The following SOX5 variants were observed in gnomAD, a reference collection of about 807,000 sequenced individuals.
SOX5 encodes transcription factor SOX-5.
Under a neutral mutation model 92.0 loss-of-function variants are expected in SOX5, and 9 were observed. The ratio of observed to expected loss-of-function variants is 0.10; its 90% CI spans 0.06 to 0.17. SOX5 has a LOEUF of 0.17. SOX5 is among the 10% of genes least tolerant of loss of function. The pLI is 1.00. For synonymous variants in SOX5, 344 were observed against 336.3 expected (o/e 1.02, Z -0.25); for missense variants, 642 against 944.5 (o/e 0.68, Z 4.20).
chr12:23,614,584 T>C (rs73091321), intron 8 of SOX5, among the ~76,000 whole-genome samples: 7,397 of 152,336 alleles, frequency 0.049, 264 homozygotes, highest in Non-Finnish European at 0.065. Flanking sequence ...AGTTGGATGA[T>C]GTTTTCCAAT....
intron 6 of SOX5, among the ~76,000 whole-genome samples, chr12:23,700,155 GAC>G: frequency 6.6e-6 from 1 of 152,176 alleles, no homozygotes; most frequent in Admixed American, 6.6e-5. Flanking sequence ...AGCTGCTGCT[GAC>G]ACACAACAAA....
chr12:23,536,387 G>C, intron 14 of SOX5, 66 bp downstream of exon 14: 2 of 1,244,974 alleles, frequency 1.6e-6, no homozygotes, highest in Non-Finnish European at 1.2e-6. Context: ...GAACAAATAT[G>C]TTTCACATCC....
At chr12:23,860,952 TAAAAAA>T (rs71059935) in intron 2 of SOX5, among the ~76,000 whole-genome samples, 25 of 45,946 alleles carry the variant, frequency 5.4e-4, no homozygotes, top group African/African-American at 2.0e-3. Context: ...GTATATTTTG[TAAAAAA>T]AAAAAAAAAA....
At chr12:24,053,378 C>T (rs1957772728) in intron 4 of SOX5, among the ~76,000 whole-genome samples, 1 of 152,136 alleles carries the variant, frequency 6.6e-6, no homozygotes, top group South Asian at 2.1e-4. Context: ...GATCTGCCCG[C>T]CTCGGGCTCC....
intron 2 of SOX5, among the ~76,000 whole-genome samples, chr12:24,353,828 A>G (rs2141192367): frequency 6.6e-6 from 1 of 151,826 alleles, no homozygotes; most frequent in East Asian, 1.9e-4. Flanking sequence ...TTTAGTAGAG[A>G]CAGGGTTTCA....
chr12:23,805,337 T>C (rs997844459), intron 3 of SOX5, among the ~76,000 whole-genome samples: 3 of 151,966 alleles, frequency 2.0e-5, no homozygotes, highest in Non-Finnish European at 4.4e-5. Context: ...GTGTGATATA[T>C]ATGAATAATA....
chr12:24,158,762 A>T (rs1952456076), intron 4 of SOX5, among the ~76,000 whole-genome samples: 1 of 151,918 alleles, frequency 6.6e-6, no homozygotes, highest in Non-Finnish European at 1.5e-5. Context: ...AACAAAAGTC[A>T]TTTTGAGCCC....
At chr12:24,277,147 C>T (rs1298305201) in intron 3 of SOX5, 1 of 151,750 alleles carries the variant, frequency 6.6e-6, no homozygotes, top group Non-Finnish European at 1.5e-5. Context: ...AGCATATAAA[C>T]TTCCATTTTT....
intron 6 of SOX5, among the ~76,000 whole-genome samples, chr12:23,687,810 TG>T (rs2087890336): frequency 6.6e-6 from 1 of 151,838 alleles, no homozygotes; most frequent in Non-Finnish European, 1.5e-5. Flanking sequence ...ATCTCTACAA[TG>T]GCTGCAACGA....
At chr12:24,282,577 T>TA (rs951930902) in intron 2 of SOX5, among the ~76,000 whole-genome samples, 4 of 151,330 alleles carry the variant, frequency 2.6e-5, no homozygotes, top group Admixed American at 2.0e-4. Flanking sequence ...AAACAATAGA[T>TA]AACTCAAAAA....
In SOX5 at chr12:23,991,747, A is replaced by T. The variant is rs541476571; in HGVS notation, c.-1-95723T>A. ...CAGTAACCAGACAGACAAATACAGG[A>T]GGTTTTTTTTTTTTTTACTTTATAC... On this transcript the variant is annotated intron_variant, in intron 4 of 4. Coordinates refer to the SOX5 transcript ENST00000446891. Among the ~76,000 whole-genome samples, 47 of 127,002 alleles carry T rather than the reference A, an allele frequency of 3.7e-4. No homozygotes were observed. The Middle Eastern group carries it at 0.012, about 33-fold the overall frequency. The allele number at this position is 127,002 out of a possible 152,430, so 83.3% of individuals were successfully genotyped here.
At chr12:23,577,191 A>ATATATTTT (rs71059907) in intron 9 of SOX5, among the ~76,000 whole-genome samples, 4,335 of 61,114 alleles carry the variant, frequency 0.071, 402 homozygotes, top group Non-Finnish European at 0.11. Flanking sequence ...ATATATATAT[A>ATATATTTT]TTTTTTTTTT....
At chr12:23,542,394 G>T (rs1942256071) in intron 13 of SOX5, among the ~76,000 whole-genome samples, 1 of 152,136 alleles carries the variant, frequency 6.6e-6, no homozygotes, top group African/African-American at 2.4e-5. Flanking sequence ...GAATGACAAT[G>T]ACAGTGATAA....
intron 1 of SOX5, among the ~76,000 whole-genome samples, chr12:24,485,227 T>G (rs1036091514): frequency 2.0e-5 from 3 of 152,136 alleles, no homozygotes; most frequent in Admixed American, 1.3e-4. Context: ...AATGAAAACA[T>G]AGGCCAGATG....
chr12:24,481,613 A>G (rs911707766), intron 1 of SOX5, among the ~76,000 whole-genome samples: 1 of 152,214 alleles, frequency 6.6e-6, no homozygotes, highest in Non-Finnish European at 1.5e-5. Flanking sequence ...AAGAACCTGG[A>G]CAGTAGTAAC....
At chr12:24,198,752 G>T (rs920277620) in intron 4 of SOX5, among the ~76,000 whole-genome samples, 1 of 152,182 alleles carries the variant, frequency 6.6e-6, no homozygotes, top group Non-Finnish European at 1.5e-5. Context: ...TTGATTTAGG[G>T]AGAAGAAAGA....
At chr12:23,830,223 AG>A (rs2135573347) in intron 3 of SOX5, among the ~76,000 whole-genome samples, 1 of 152,264 alleles carries the variant, frequency 6.6e-6, no homozygotes, top group Admixed American at 6.5e-5. Flanking sequence ...ACAGCATTTG[AG>A]GGTGTCTTCT....
chr12:23,743,671 C>T (rs12304232), intron 4 of SOX5, among the ~76,000 whole-genome samples: 1,684 of 152,192 alleles, frequency 0.011, 29 homozygotes, highest in African/African-American at 0.038. Flanking sequence ...CCTCAACATG[C>T]GGAAGTATAA....
At chr12:23,777,216 G>T (rs1415266617) in intron 3 of SOX5, among the ~76,000 whole-genome samples, 1 of 152,124 alleles carries the variant, frequency 6.6e-6, no homozygotes, top group African/African-American at 2.4e-5. Context: ...CTTGATGTGA[G>T]CAAAGACCAT....
Sources: gnomAD v4.1 joint callset for allele counts (sites outside exome capture counted in the v4.1 genomes callset) on GRCh38, gnomAD v4.1.1 for gene constraint, MANE v1.5 for transcripts, NCBI Gene and HGNC (gene_info 2026-07-23, HGNC 2026-07-21) for gene names.